SNX25: variants seen among roughly 807,000 people sequenced by gnomAD.
SNX25 encodes the protein sorting nexin 25, also known as sorting nexin-25.
Under a neutral mutation model 113.7 loss-of-function variants are expected in SNX25, and 62 were observed. That is an observed-to-expected ratio of 0.55 (90% CI 0.44 to 0.67). The LOEUF is 0.67. Ranked by LOEUF, SNX25 falls within the 30% of genes least tolerant of loss-of-function variation. The probability of loss-of-function intolerance (pLI) is 0.00; values close to 1 mark genes in which losing one functional copy is unlikely to be tolerated. For synonymous variants in SNX25, 421 were observed against 436.2 expected, an observed-to-expected ratio of 0.97 and a Z score of 0.43; for missense variants, 1,014 against 1,161.0, an observed-to-expected ratio of 0.87 and a Z score of 1.84.
At chr4:185,308,874 T>C (rs982609384) in intron 6 of SNX25, among the ~76,000 whole-genome samples, 44 of 152,180 alleles carry the variant, frequency 2.9e-4, no homozygotes, top group African/African-American at 8.0e-4. Flanking sequence ...CTCTAGACCT[T>C]CTCTCTCCAC....
chr4:185,249,897 A>G (rs1325206644), intron 2 of SNX25, among the ~76,000 whole-genome samples: 1 of 151,974 alleles, frequency 6.6e-6, no homozygotes, highest in African/African-American at 2.4e-5. Flanking sequence ...TAGCTGCTTT[A>G]AAGTTCTTTT....
intron 3 of SNX25, among the ~76,000 whole-genome samples, chr4:185,261,798 A>G (rs1463541542): frequency 6.6e-6 from 1 of 152,182 alleles, no homozygotes; most frequent in Non-Finnish European, 1.5e-5. Context: ...CCTGTAGTTG[A>G]TGATAAAAAA....
intron 1 of SNX25, among the ~76,000 whole-genome samples, chr4:185,245,462 C>T (rs966830276): frequency 1.1e-4 from 16 of 151,988 alleles, no homozygotes; most frequent in Admixed American, 3.3e-4. Context: ...CTCAGCCTGC[C>T]GAGTAGCTGG....
intron 6 of SNX25, among the ~76,000 whole-genome samples, chr4:185,301,509 A>G (rs541605722): frequency 3.4e-4 from 51 of 152,094 alleles, no homozygotes; most frequent in African/African-American, 1.2e-3. Context: ...CTCCTGCCCC[A>G]TTCTTCTGAG....
In SNX25 at chr4:185,332,601, A is replaced by G. The variant is rs746031416; in HGVS notation, c.1756A>G (p.Arg586Gly). The G allele has an allele frequency of 6.2e-7, 1 of 1,611,884 alleles. No individual in the cohort carries two copies. Among genetic ancestry groups the G allele is most frequent in the African/African-American group, 1.3e-5 (1 of 74,964 alleles). ...TATGTGACTCTCCCCCTAGGGCCCAAGAGATGAGGCTGGTGAGGAAGCCGT... is the reference window on the plus strand; with the variant it reads ...TATGTGACTCTCCCCCTAGGGCCCAGGAGATGAGGCTGGTGAGGAAGCCGT... ...MISNKDEMGP[R>G]DEAGEEAVDD... is the part of the protein sequence containing the mutation. The change falls in exon 10 of 19, where the codon AGA becomes GGA. Residue 586 changes from arginine (R) to glycine (G), a missense_variant. Arg to Gly is a moderately radical substitution (Grantham distance 125, BLOSUM62 -2). Transcript: ENST00000652585.
chr4:185,376,065 C>T, the SNX25 span, among the ~76,000 whole-genome samples: 27 of 152,090 alleles, frequency 1.8e-4, no homozygotes, highest in East Asian at 1.2e-3. Context: ...CAAGTCTTCC[C>T]GGGGAAGTCA....
At chr4:185,246,930 A>G (rs2126484340) in intron 1 of SNX25, among the ~76,000 whole-genome samples, 1 of 152,272 alleles carries the variant, frequency 6.6e-6, no homozygotes, top group African/African-American at 2.4e-5. Context: ...AATTATTCCA[A>G]CATCATTTGC....
At chr4:185,255,050 TAA>T (rs1268311965) in intron 2 of SNX25, among the ~76,000 whole-genome samples, 2 of 152,348 alleles carry the variant, frequency 1.3e-5, no homozygotes, top group East Asian at 3.9e-4. Context: ...GGGTATGTTT[TAA>T]AGTATTTTGT....
rs374558716 is a variant in SNX25, at chr4:185,277,978, C to T, written c.1092-10034C>T. ...CGATCTCCTGACCTCGTGATCCGCC[C>T]GCCTCGGCCTCCCAAAGTGCTGGGA... On this transcript the variant is annotated intron_variant, in intron 5 of 18. Transcript: ENST00000652585. Among the ~76,000 whole-genome samples, 11 of 45,252 alleles carry T rather than the reference C, an allele frequency of 2.4e-4. 4 individuals are homozygous for T. The South Asian group carries it at 3.8e-3, about 15-fold the overall frequency. 29.7% of individuals were successfully genotyped at this position (45,252 alleles called of 152,430 possible).
In SNX25 at chr4:185,239,337, G is replaced by C. The variant is rs1297747011; in HGVS notation, c.430-7957G>C. 3.9e-5 allele frequency among the ~76,000 whole-genome samples: 6 copies of C among 152,132 alleles called. No homozygotes were observed. In the South Asian group the frequency reaches 6.2e-4, roughly 16 times the overall value. On this transcript the variant is annotated intron_variant, in intron 1 of 18. Coordinates refer to ENST00000652585, the MANE Select transcript of SNX25 (RefSeq NM_001378034.2). ...TCTCTACTAAAAATGCAAAAAATTA[G>C]CCGGGCGTGGTGGTGGGCACCTGTA...
At chr4:185,336,052 G>A (rs1185143346) in intron 10 of SNX25, among the ~76,000 whole-genome samples, 3 of 152,118 alleles carry the variant, frequency 2.0e-5, no homozygotes, top group Non-Finnish European at 4.4e-5. Context: ...AACCCTATAG[G>A]CTTTCTCATA....
chr4:185,300,582 G>A (rs1249839204), intron 6 of SNX25, among the ~76,000 whole-genome samples: 1 of 151,782 alleles, frequency 6.6e-6, no homozygotes, highest in Non-Finnish European at 1.5e-5. Context: ...GACTTCTCCG[G>A]GTCTTTTCTA....
At chr4:185,348,730 A>T (rs1352993479) in intron 13 of SNX25, among the ~76,000 whole-genome samples, 1 of 152,146 alleles carries the variant, frequency 6.6e-6, no homozygotes, top group African/African-American at 2.4e-5. Context: ...AGAACATTAA[A>T]AAACCTTTCT....
rs566298828 is a variant in SNX25, at chr4:185,239,334, T to A, written c.430-7960T>A. Among the ~76,000 whole-genome samples the A allele has an allele frequency of 9.9e-3, 1,501 of 151,766 alleles. 7 individuals are homozygous for A. Among genetic ancestry groups the A allele is most frequent in the Non-Finnish European group, 0.016 (1,116 of 67,834 alleles). On this transcript the variant is annotated intron_variant, in intron 1 of 18. Transcript: ENST00000652585. ...CCGTCTCTACTAAAAATGCAAAAAA[T>A]TAGCCGGGCGTGGTGGTGGGCACCT... is the stretch of plus-strand genomic sequence containing the variant.
intron 1 of SNX25, among the ~76,000 whole-genome samples, chr4:185,227,064 G>T (rs1407177769): frequency 6.6e-6 from 1 of 152,228 alleles, no homozygotes; most frequent in Non-Finnish European, 1.5e-5. Flanking sequence ...CCAGGTGACT[G>T]TATCAGTTTT....
chr4:185,348,667 G>C (rs1409227479), intron 13 of SNX25, among the ~76,000 whole-genome samples: 2 of 152,188 alleles, frequency 1.3e-5, no homozygotes, highest in East Asian at 3.8e-4. Flanking sequence ...AGAGTGCTGG[G>C]ATTACAGGTG....
At chr4:185,239,405 C>T (rs1743250188) in intron 1 of SNX25, among the ~76,000 whole-genome samples, 2 of 152,188 alleles carry the variant, frequency 1.3e-5, no homozygotes, top group South Asian at 4.1e-4. Context: ...ATGGCTTGAA[C>T]CCAGGACGCG....
chr4:185,306,706 A>G (rs1395029770), intron 6 of SNX25, among the ~76,000 whole-genome samples: 1 of 152,254 alleles, frequency 6.6e-6, no homozygotes, highest in Non-Finnish European at 1.5e-5. Context: ...CTTAAACATT[A>G]TACACAAACT....
rs369578415 is a variant in SNX25, at chr4:185,351,429, C to T, written c.2302-16C>T. 8.7e-6 allele frequency: 14 copies of T among 1,611,704 alleles called. No homozygotes were observed. Among genetic ancestry groups the T allele is most frequent in the Non-Finnish European group, 1.2e-5 (14 of 1,179,052 alleles). ...AGTTTCCCACACTGGAGCAGTTAAT[C>T]CTCTTTCTTCCATAGAATCTGCTTT... On this transcript the variant is annotated splice_polypyrimidine_tract_variant and intron_variant, in intron 13 of 18. Coordinates refer to ENST00000652585, the MANE Select transcript of SNX25 (RefSeq NM_001378034.2).
Sources: allele counts gnomAD v4.1 joint callset (sites outside exome capture counted in the v4.1 genomes callset), GRCh38; gene constraint gnomAD v4.1.1; transcripts MANE v1.5; gene names NCBI Gene and HGNC (gene_info 2026-07-23, HGNC 2026-07-21).